Variants in CRISP3 observed in about 807,000 individuals in gnomAD.
CRISP3 encodes cysteine rich secretory protein 3, also known as cysteine-rich secretory protein 3.
In CRISP3, 33 loss-of-function variants were observed where a neutral mutation model predicts 36.1. The observed-to-expected ratio is 0.91, with a 90% confidence interval of 0.69 to 1.22. The LOEUF (loss-of-function observed/expected upper bound fraction) is 1.22, where lower values mean the gene tolerates loss of function less well. Ranked by LOEUF, CRISP3 falls within the 50% of genes most tolerant of loss-of-function variation. The pLI, the probability that CRISP3 is intolerant of heterozygous loss-of-function variation, is 0.00. For missense variants in CRISP3, 330 were observed against 301.2 expected (o/e 1.10, Z -0.71); for synonymous variants, 117 against 104.6 (o/e 1.12, Z -0.72).
chr6:49,741,401 C>G (rs1032939281), intron 1 of CRISP3, among the ~76,000 whole-genome samples: 1 of 151,886 alleles, frequency 6.6e-6, no homozygotes, highest in Non-Finnish European at 1.5e-5. Flanking sequence ...TACATAAGCC[C>G]ACTTCATAAA....
At position 49,736,455 on chromosome 6, in the gene CRISP3, A is replaced by C. The variant is rs1769054597; in HGVS notation, c.164T>G (p.Ile55Ser). 5 of 1,613,774 alleles carry C rather than the reference A, an allele frequency of 3.1e-6. No individual in the cohort carries two copies. The highest frequency in any genetic ancestry group is 4.2e-6 in the Non-Finnish European group (5 of 1,179,798). ...CCTCAGTTCATTGTGCTTATTCACA[A>C]TCTCCCTTTGCACTTGTGTTTGGGT... The part of the protein sequence containing the change: ...LTTQTQVQRE[I>S]VNKHNELRRA... The change falls in exon 3 of 8, where the codon ATT (isoleucine) becomes AGT (serine). Residue 55 changes from isoleucine (I) to serine (S), a missense_variant. Transcript: ENST00000263045.
intron 6 of CRISP3, 59 bp downstream of exon 6, chr6:49,733,136 T>TA: frequency 1.0e-6 from 1 of 966,194 alleles, no homozygotes; most frequent in South Asian, 1.9e-5. Flanking sequence ...AGTTTTTTTT[T>TA]ATTAAATGTT....
Position 49,739,388 on chromosome 6 carries a change from T to C in CRISP3, c.38-1990A>G, listed in dbSNP as rs147090053. 9.7e-4 allele frequency among the ~76,000 whole-genome samples: 147 copies of C among 152,234 alleles called. 2 individuals carry two copies. The highest frequency in any genetic ancestry group is 3.3e-3 in the African/African-American group (139 of 41,538). On this transcript the variant is annotated intron_variant, in intron 1 of 7. Coordinates refer to ENST00000263045, the MANE Select transcript of CRISP3 (RefSeq NM_006061.4). ...CAAGACTTGGTTCTTGCCCTCAGAG[T>C]CCTGGTATATAATTACGGGAGCTCA...
At chr6:49,737,444 T>C in intron 1 of CRISP3, 46 bp from the exon 2 acceptor site, 1 of 1,604,366 alleles carries the variant, frequency 6.2e-7, no homozygotes. Context: ...TTAAAATGAT[T>C]GGTACATGCT....
intron 6 of CRISP3, 147 bp downstream of exon 6, chr6:49,733,048 A>T (rs1768954003): frequency 4.0e-6 from 2 of 496,564 alleles, no homozygotes; most frequent in East Asian, 6.6e-5. Context: ...CTTTCTGAGA[A>T]GTTGGTTGAA....
intron 6 of CRISP3, among the ~76,000 whole-genome samples, chr6:49,732,967 A>T (rs143543024): frequency 6.6e-6 from 1 of 152,312 alleles, no homozygotes; most frequent in African/African-American, 2.4e-5. Context: ...GAGAGGAGAC[A>T]AATTATTTTA....
rs554692207 is a variant in CRISP3 at position 49,736,501 on chromosome 6, C to T, written c.118G>A (p.Ala40Thr). The T allele has an allele frequency of 1.9e-5, 31 of 1,606,288 alleles. No homozygotes were observed. Among genetic ancestry groups the T allele is most frequent in the African/African-American group, 9.4e-5 (7 of 74,696 alleles). The change falls in exon 3 of 8, where the codon GCT becomes ACT. Residue 40 changes from alanine to threonine, a missense_variant. Coordinates refer to ENST00000263045, the MANE Select transcript of CRISP3 (RefSeq NM_006061.4). ...SFPANEDKDPAFTALLTTQTQ... is the reference protein window; with the variant it reads ...SFPANEDKDPTFTALLTTQTQ... ...TGGGTGGTTAACAAAGCAGTAAAAG[C>T]GGGATCCTAAGGGAAAATAAAATTA...
Position 49,728,275 on chromosome 6 carries a change from A to G in CRISP3, c.*455T>C, listed in dbSNP as rs139992512. On this transcript the variant is annotated 3_prime_UTR_variant, in exon 8 of 8. Coordinates refer to ENST00000263045, the MANE Select transcript of CRISP3 (RefSeq NM_006061.4). ...TGAGTGAAAAGAATTAAGACAGCAT[A>G]TGGGAAAACGTCTTTGAAGATGCTT... 6.6e-6 allele frequency: 1 copy of G among 152,586 alleles called. No homozygotes were observed. The highest frequency in any genetic ancestry group is 2.4e-5 in the African/African-American group (1 of 41,586). The allele number at this position is 152,586 out of a possible 1,614,324, so 9.5% of individuals were successfully genotyped here.
chr6:49,729,050 A>T (rs1288598979), intron 7 of CRISP3, among the ~76,000 whole-genome samples, 193 bp from the exon 8 acceptor site: 1 of 152,134 alleles, frequency 6.6e-6, no homozygotes, highest in African/African-American at 2.4e-5. Context: ...TCTTTTTTAA[A>T]TTCGAGCTTT....
intron 1 of CRISP3, among the ~76,000 whole-genome samples, chr6:49,740,575 ATGTGTGTGTGTGTGTG>A (rs35601509): frequency 2.1e-5 from 3 of 141,456 alleles, no homozygotes; most frequent in Non-Finnish European, 3.1e-5. Flanking sequence ...GTGTATATGG[ATGTGTGTGTGTGTGTG>A]TGTGTGTGTG....
Position 49,728,804 on chromosome 6 carries a change from T to C in CRISP3, c.703A>G (p.Thr235Ala), listed in dbSNP as rs760378871. The C allele has an allele frequency of 1.2e-6, 2 of 1,612,764 alleles. No individual in the cohort carries two copies. Among genetic ancestry groups the C allele is most frequent in the East Asian group, 4.5e-5 (2 of 44,842 alleles). The change falls in exon 8 of 8, where the codon ACA becomes GCA. Residue 235 changes from threonine to alanine, a missense_variant. Thr to Ala is a moderately conservative substitution (Grantham distance 58). Transcript: ENST00000263045. Reference sequence around the variant, plus strand: ...ACCAACTGATGTTTACAGGTTAATGTGAGCTTCAAACTTTTACAGTTACTA... The same window carrying C: ...ACCAACTGATGTTTACAGGTTAATGCGAGCTTCAAACTTTTACAGTTACTA... Reference protein sequence around the residue: ...LYSNCKSLKLTLTCKHQLVRD... With the variant: ...LYSNCKSLKLALTCKHQLVRD...
In CRISP3 at chr6:49,727,715, A is replaced by C. The variant is rs893428279; in HGVS notation, c.*1015T>G. On this transcript the variant is annotated 3_prime_UTR_variant, in exon 8 of 8. Coordinates refer to ENST00000263045, the MANE Select transcript of CRISP3 (RefSeq NM_006061.4). ...TTCCCTTATTTTCCATGATTTTTACAGTTTTGAGGAATACTCTAAAATACC... is the reference window on the plus strand; with the variant it reads ...TTCCCTTATTTTCCATGATTTTTACCGTTTTGAGGAATACTCTAAAATACC... The C allele has an allele frequency of 7.9e-5, 12 of 152,112 alleles. No individual in the cohort carries two copies. Among genetic ancestry groups the C allele is most frequent in the African/African-American group, 2.9e-4 (12 of 41,442 alleles). 9.4% of individuals were successfully genotyped at this position (152,112 alleles called of 1,614,324 possible). A position where few individuals can be genotyped will look rare whatever the true frequency, so the allele number is the denominator to read the frequency against.
intron 5 of CRISP3, 84 bp downstream of exon 5, chr6:49,733,619 C>T: frequency 7.2e-7 from 1 of 1,398,186 alleles, no homozygotes; most frequent in Admixed American, 2.2e-5. Context: ...TCCCCAAATT[C>T]AACTTGGAAT....
Position 49,728,662 on chromosome 6 carries a change from T to G in CRISP3, c.*68A>C. On this transcript the variant is annotated 3_prime_UTR_variant, in exon 8 of 8. Transcript: ENST00000263045. ...TCAGCTAGTATATGTTAAATCTAAG[T>G]AGATGCCAAATCTAAGTAGATAATC... 7.3e-7 allele frequency: 1 copy of G among 1,363,280 alleles called. No individual in the cohort carries two copies. The highest frequency in any genetic ancestry group is 2.6e-5 in the East Asian group (1 of 38,276). 84.4% of individuals were successfully genotyped at this position (1,363,280 alleles called of 1,614,324 possible). A position where few individuals can be genotyped will look rare whatever the true frequency, so the allele number is the denominator to read the frequency against.
chr6:49,736,430 C>G lies in CRISP3; in HGVS notation c.189G>C (p.Arg63Ser). ...REIVNKHNELRRAVSPPARNM... is the reference protein window; with the variant it reads ...REIVNKHNELSRAVSPPARNM... ...TTCTGGCAGGGGGAGATACTGCTCT[C>G]CTCAGTTCATTGTGCTTATTCACAA... The change falls in exon 3 of 8, where the codon AGG becomes AGC. Residue 63 changes from arginine (R) to serine (S), a missense_variant. By Grantham distance (110) the Arg-to-Ser change is moderately radical. Transcript: ENST00000263045. 1.2e-6 allele frequency: 2 copies of G among 1,613,694 alleles called. No homozygotes were observed. The highest frequency in any genetic ancestry group is 2.2e-5 in the South Asian group (2 of 91,040).
At chr6:49,742,168 A>G (rs1277309574) in intron 1 of CRISP3, among the ~76,000 whole-genome samples, 1 of 152,114 alleles carries the variant, frequency 6.6e-6, no homozygotes, top group African/African-American at 2.4e-5. Flanking sequence ...AAAAAATCTT[A>G]AAACTTTAAT....
At chr6:49,730,784 T>G (rs1267543867) in intron 7 of CRISP3, among the ~76,000 whole-genome samples, 2 of 152,192 alleles carry the variant, frequency 1.3e-5, no homozygotes, top group Non-Finnish European at 2.9e-5. Flanking sequence ...CTCACACCTG[T>G]AATCCCAGCA....
At position 49,737,362 on chromosome 6, in the gene CRISP3, G is replaced by A; in HGVS notation, c.74C>T (p.Ala25Val). 1 of 1,613,924 alleles carries A rather than the reference G, an allele frequency of 6.2e-7. No individual in the cohort carries two copies. Among genetic ancestry groups the A allele is most frequent in the Non-Finnish European group, 8.5e-7 (1 of 1,179,936 alleles). Residue 25 changes from alanine (A) to valine (V), a missense_variant, in exon 2 of 8, where the codon GCT becomes GTT. Physicochemically the swap from Ala to Val is moderately conservative, Grantham distance 64 (BLOSUM62 0). Transcript: ENST00000263045. ...TLFPVLLFLV[A>V]GLLPSFPANE... ...TGCTGGAAAAGATGGAAGCAGCCCAGCAACCAGGAACAACAGCACTGGGAA... is the reference window on the plus strand; with the variant it reads ...TGCTGGAAAAGATGGAAGCAGCCCAACAACCAGGAACAACAGCACTGGGAA...
intron 4 of CRISP3, 42 bp from the exon 5 acceptor site, chr6:49,733,890 T>G (rs1345943641): frequency 6.3e-7 from 1 of 1,583,890 alleles, no homozygotes; most frequent in East Asian, 2.2e-5. Context: ...CAATAAAGCA[T>G]GCAATGGCAA....
Sources: gnomAD v4.1 joint callset for allele counts (sites outside exome capture counted in the v4.1 genomes callset) on GRCh38, gnomAD v4.1.1 for gene constraint, MANE v1.5 for transcripts, NCBI Gene and HGNC (gene_info 2026-07-23, HGNC 2026-07-21) for gene names.